ZNF385D: variants seen among roughly 807,000 people sequenced by gnomAD.
ZNF385D encodes the protein zinc finger protein 659.
ZNF385D carries 15 observed loss-of-function variants against 35.8 expected under a neutral mutation model. That is an observed-to-expected ratio of 0.42 (90% CI 0.28 to 0.64). The LOEUF (loss-of-function observed/expected upper bound fraction) is 0.64. Among genes scored for constraint, ZNF385D ranks in the 30% least tolerant of loss-of-function variants. ZNF385D has a pLI of 0.23. For missense variants in ZNF385D, 474 were observed against 494.6 expected, an observed-to-expected ratio of 0.96 and a Z score of 0.39; for synonymous variants, 212 against 186.8, an observed-to-expected ratio of 1.13 and a Z score of -1.10.
intron 3 of ZNF385D, among the ~76,000 whole-genome samples, chr3:22,138,181 G>C (rs927334338): frequency 8.6e-5 from 13 of 152,014 alleles, no homozygotes; most frequent in Non-Finnish European, 1.3e-4. Context: ...ACAAACAAAT[G>C]GAAGAACATT....
At chr3:21,705,412 G>T (rs2067859611) in intron 1 of ZNF385D, among the ~76,000 whole-genome samples, 1 of 152,164 alleles carries the variant, frequency 6.6e-6, no homozygotes, top group Admixed American at 6.5e-5. Context: ...TCTTATAGAA[G>T]TCCCAAAGAG....
At chr3:22,162,274 C>A (rs188494273) in intron 3 of ZNF385D, among the ~76,000 whole-genome samples, 12 of 152,234 alleles carry the variant, frequency 7.9e-5, no homozygotes, top group Admixed American at 6.5e-4. Flanking sequence ...TTTTAAGATG[C>A]TATTCAGAGG....
intron 1 of ZNF385D, among the ~76,000 whole-genome samples, chr3:21,665,772 A>G (rs1198415896): frequency 6.6e-6 from 1 of 152,164 alleles, no homozygotes; most frequent in Non-Finnish European, 1.5e-5. Context: ...AAGAGAGCAC[A>G]TACATTTGCC....
At chr3:21,835,518 C>CG (rs1400398975) in intron 3 of ZNF385D, among the ~76,000 whole-genome samples, 3 of 98,916 alleles carry the variant, frequency 3.0e-5, no homozygotes, top group Non-Finnish European at 6.2e-5. Context: ...AGTGATACTA[C>CG]TTAAAAAAAA....
intron 2 of ZNF385D, among the ~76,000 whole-genome samples, chr3:22,275,287 A>G (rs1041403978): frequency 6.6e-6 from 1 of 152,120 alleles, no homozygotes; most frequent in Non-Finnish European, 1.5e-5. Flanking sequence ...AGATTCTCAG[A>G]AGGGTCTAAC....
chr3:21,941,487 ACTCT>A (rs1231767984), intron 3 of ZNF385D, among the ~76,000 whole-genome samples: 30 of 101,928 alleles, frequency 2.9e-4, no homozygotes, highest in African/African-American at 1.2e-3. Flanking sequence ...TAATTCCATT[ACTCT>A]TTTTTTTTTT....
intron 2 of ZNF385D, among the ~76,000 whole-genome samples, chr3:21,630,017 CT>C (rs1342974032): frequency 7.7e-5 from 2 of 26,112 alleles, no homozygotes; most frequent in African/African-American, 1.9e-4. Context: ...TATATTTTTC[CT>C]CACTATGTCC....
intron 2 of ZNF385D, among the ~76,000 whole-genome samples, chr3:22,228,757 T>A (rs763873684): frequency 2.2e-4 from 34 of 152,156 alleles, no homozygotes; most frequent in Non-Finnish European, 4.3e-4. Flanking sequence ...CACAATCTAA[T>A]CAGCTGCCAG....
chr3:22,354,106 C>T (rs533779557), intron 2 of ZNF385D, among the ~76,000 whole-genome samples: 3 of 152,136 alleles, frequency 2.0e-5, no homozygotes, highest in Non-Finnish European at 2.9e-5. Context: ...AGCATCCCCT[C>T]TGCTGAATGT....
intron 2 of ZNF385D, among the ~76,000 whole-genome samples, chr3:22,340,126 C>T (rs1344878588): frequency 6.6e-6 from 1 of 152,006 alleles, no homozygotes; most frequent in East Asian, 1.9e-4. Flanking sequence ...AGAACATGAC[C>T]TGCTTGGGGA....
At chr3:21,630,273 G>A (rs2125833410) in intron 2 of ZNF385D, among the ~76,000 whole-genome samples, 1 of 150,270 alleles carries the variant, frequency 6.7e-6, no homozygotes, top group Middle Eastern at 3.4e-3. Context: ...TGTATTCTTG[G>A]CAGCTCACCA....
chr3:21,959,657 G>A (rs954484433), intron 3 of ZNF385D, among the ~76,000 whole-genome samples: 1 of 152,146 alleles, frequency 6.6e-6, no homozygotes, highest in African/African-American at 2.4e-5. Context: ...TGGAAGATGG[G>A]GCTAGCCCCA....
chr3:22,365,485 TA>T (rs563005439), intron 2 of ZNF385D, among the ~76,000 whole-genome samples: 6 of 152,134 alleles, frequency 3.9e-5, no homozygotes, highest in South Asian at 2.1e-4. Context: ...TTTATCTTTC[TA>T]AAAAAAATTT....
chr3:22,301,349 A>C (rs571401914), intron 2 of ZNF385D, among the ~76,000 whole-genome samples: 9 of 152,144 alleles, frequency 5.9e-5, no homozygotes, highest in African/African-American at 1.9e-4. Flanking sequence ...AAGAACAATA[A>C]GTCCATTTCA....
At chr3:21,870,292 A>T (rs1463882596) in intron 3 of ZNF385D, among the ~76,000 whole-genome samples, 12 of 152,166 alleles carry the variant, frequency 7.9e-5, no homozygotes. Flanking sequence ...GGGAATACAG[A>T]GATTGAGCAG....
intron 3 of ZNF385D, among the ~76,000 whole-genome samples, chr3:21,800,366 C>T (rs2072340108): frequency 6.6e-6 from 1 of 152,102 alleles, no homozygotes; most frequent in African/African-American, 2.4e-5. Flanking sequence ...TTAAATCTAT[C>T]CAATCCATTA....
chr3:22,294,371 A>G (rs925678544), intron 2 of ZNF385D, among the ~76,000 whole-genome samples: 3 of 152,048 alleles, frequency 2.0e-5, no homozygotes, highest in African/African-American at 7.2e-5. Flanking sequence ...ATTTTTCAAT[A>G]TCTCCTCTAA....
At chr3:21,963,506 T>C (rs1458794493) in intron 3 of ZNF385D, among the ~76,000 whole-genome samples, 1 of 152,158 alleles carries the variant, frequency 6.6e-6, no homozygotes, top group East Asian at 1.9e-4. Context: ...AACATAGTAA[T>C]CCATATATAA....
chr3:21,859,174 T>C (rs969146861), intron 3 of ZNF385D, among the ~76,000 whole-genome samples: 1 of 151,956 alleles, frequency 6.6e-6, no homozygotes, highest in Admixed American at 6.6e-5. Flanking sequence ...AGGTAAGAGA[T>C]GAAAACCAAA....
Sources: gnomAD v4.1 joint callset for allele counts (sites outside exome capture counted in the v4.1 genomes callset) on GRCh38, gnomAD v4.1.1 for gene constraint, MANE v1.5 for transcripts, NCBI Gene and HGNC (gene_info 2026-07-23, HGNC 2026-07-21) for gene names.